The following SMURF1 variants were observed in gnomAD, a reference collection of about 807,000 sequenced individuals.
The protein encoded by SMURF1 is SMAD specific E3 ubiquitin protein ligase 1.
SMURF1 carries 44 observed loss-of-function variants against 98.0 expected under a neutral mutation model. The ratio of observed to expected loss-of-function variants is 0.45; its 90% confidence interval spans 0.35 to 0.58. SMURF1 has a LOEUF of 0.58. Among genes scored for constraint, SMURF1 ranks in the 20% least tolerant of loss-of-function variants. The probability of loss-of-function intolerance (pLI) is 0.00; values close to 1 mark genes in which losing one functional copy is unlikely to be tolerated. For missense variants in SMURF1, 687 were observed against 938.4 expected, an observed-to-expected ratio of 0.73 and a Z score of 3.50; for synonymous variants, 396 against 374.9, an observed-to-expected ratio of 1.06 and a Z score of -0.65.
At chr7:99,055,000 T>C (rs1795846618) in intron 5 of SMURF1, 135 bp from the exon 6 acceptor site, 10 of 715,402 alleles carry the variant, frequency 1.4e-5, no homozygotes, top group South Asian at 1.3e-4. Flanking sequence ...TACACACATA[T>C]ATTCCTATGC....
intron 1 of SMURF1, among the ~76,000 whole-genome samples, chr7:99,068,397 C>G (rs1796246116): frequency 6.6e-6 from 1 of 152,134 alleles, no homozygotes; most frequent in Non-Finnish European, 1.5e-5. Context: ...CTCAAGTGAT[C>G]CTCCCACCTC....
intron 13 of SMURF1, among the ~76,000 whole-genome samples, chr7:99,039,193 CAAAAAA>C (rs34106810): frequency 1.7e-5 from 1 of 60,474 alleles, no homozygotes; most frequent in Non-Finnish European, 3.4e-5. Flanking sequence ...GACTCTGTCT[CAAAAAA>C]AAAAAAAAAA....
At chr7:99,038,754 G>T (rs183138595) in intron 13 of SMURF1, among the ~76,000 whole-genome samples, 3 of 152,104 alleles carry the variant, frequency 2.0e-5, no homozygotes, top group African/African-American at 7.2e-5. Context: ...CATAGAAGGC[G>T]GGCAGCAGGT....
At chr7:99,136,414 A>G (rs934815934) in intron 1 of SMURF1, among the ~76,000 whole-genome samples, 2 of 151,804 alleles carry the variant, frequency 1.3e-5, no homozygotes, top group Non-Finnish European at 2.9e-5. Flanking sequence ...TTGCATGTTG[A>G]TTTTATCCTA....
At chr7:99,139,301 C>G (rs1411159873) in intron 1 of SMURF1, among the ~76,000 whole-genome samples, 1 of 152,176 alleles carries the variant, frequency 6.6e-6, no homozygotes, top group African/African-American at 2.4e-5. Context: ...CATATTTCCA[C>G]ATGCTATCAA....
intron 6 of SMURF1, among the ~76,000 whole-genome samples, chr7:99,053,010 T>C (rs1478620692): frequency 6.6e-6 from 1 of 152,202 alleles, no homozygotes; most frequent in Non-Finnish European, 1.5e-5. Context: ...TGAGCCAAGA[T>C]TGTGCCATTG....
At chr7:99,062,960 A>G (rs1000108178) in intron 1 of SMURF1, among the ~76,000 whole-genome samples, 6 of 151,906 alleles carry the variant, frequency 3.9e-5, no homozygotes, top group African/African-American at 1.5e-4. Flanking sequence ...AGAGTTTGTC[A>G]CCAGACCTGC....
intron 8 of SMURF1, chr7:99,050,793 A>G: frequency 1.4e-6 from 1 of 729,810 alleles, no homozygotes; most frequent in Non-Finnish European, 2.2e-6. Context: ...ATCATGAATA[A>G]AAAGGAACTA....
rs118149338 is a variant in SMURF1, at chr7:99,042,567, G to A, written c.1257-335C>T. Reference sequence around the variant, plus strand: ...CAGGATTACAGGCGTGAGCCACCACGCTCAGCCTAAGTTGTTATTTTCTGA... The same window carrying A: ...CAGGATTACAGGCGTGAGCCACCACACTCAGCCTAAGTTGTTATTTTCTGA... On this transcript the variant is annotated intron_variant, in intron 11 of 17. Transcript: ENST00000361368. Among the ~76,000 whole-genome samples, 61 of 152,254 alleles carry A rather than the reference G, an allele frequency of 4.0e-4. No homozygotes were observed. The East Asian group carries it at 0.011, about 27-fold the overall frequency.
chr7:99,059,090 A>T (rs1795954913), intron 3 of SMURF1, among the ~76,000 whole-genome samples: 1 of 151,336 alleles, frequency 6.6e-6, no homozygotes, highest in African/African-American at 2.4e-5. Flanking sequence ...TTTGAAAAAA[A>T]AATTTAATTT....
At chr7:99,126,564 A>G (rs1238430131) in intron 1 of SMURF1, among the ~76,000 whole-genome samples, 1 of 152,194 alleles carries the variant, frequency 6.6e-6, no homozygotes, top group Non-Finnish European at 1.5e-5. Flanking sequence ...TTGAGGCAGG[A>G]GAATTGCTTG....
chr7:99,063,304 T>TAA (rs59295218), intron 1 of SMURF1, among the ~76,000 whole-genome samples: 2 of 28,408 alleles, frequency 7.0e-5, no homozygotes, highest in Non-Finnish European at 9.4e-5. Flanking sequence ...TATATATATA[T>TAA]AAAAAGAGAC....
At chr7:99,060,372 C>T (rs1488001487) in intron 3 of SMURF1, among the ~76,000 whole-genome samples, 1 of 127,304 alleles carries the variant, frequency 7.9e-6, no homozygotes, top group Non-Finnish European at 1.7e-5. Context: ...GAGTGAGACT[C>T]CGTCTCAAAA....
chr7:99,040,294 C>G (rs1027138505), intron 13 of SMURF1, 84 bp downstream of exon 13: 3 of 829,424 alleles, frequency 3.6e-6, no homozygotes, highest in Non-Finnish European at 4.5e-6. Context: ...TACACACACA[C>G]GCGCGCGCGC....
chr7:99,030,585 C>T lies in SMURF1; in HGVS notation c.2195G>A (p.Ter732=), dbSNP rs1347652457. 1.2e-6 allele frequency: 2 copies of T among 1,614,026 alleles called. No homozygotes were observed. Among genetic ancestry groups the T allele is most frequent in the East Asian group, 2.2e-5 (1 of 44,880 alleles). ...VEETCGFAVE[*] ...GACTCTGTTGCCTTTGGTTGCTTTT[C>T]ACTCCACAGCAAACCCGCAGGTCTC... is the stretch of plus-strand genomic sequence containing the variant. Residue 732 remains the stop codon, a stop_retained_variant, in exon 18 of 18, where the codon TGA becomes TAA. Coordinates refer to ENST00000361368, the MANE Select transcript of SMURF1 (RefSeq NM_181349.3).
chr7:99,054,832 C>G lies in SMURF1; in HGVS notation c.437G>C (p.Gly146Ala). The G allele has an allele frequency of 6.2e-7, 1 of 1,614,122 alleles. No homozygotes were observed. The highest frequency in any genetic ancestry group is 8.5e-7 in the Non-Finnish European group (1 of 1,180,008). ...TCCTCTGCAGTCCACCACCGAGCCG[C>G]CGGTTCCTATTCTGTCTCGTGTCTG... ...SLQTRDRIGT[G>A]GSVVDCRGLL... Residue 146 changes from glycine to alanine, a missense_variant, in exon 6 of 18, where the codon GGC becomes GCC. Gly to Ala is a moderately conservative substitution (Grantham distance 60). This residue lies in a region of SMURF1 where 415 missense variants were observed against 508.4 expected (regional missense o/e 0.82). Transcript: ENST00000361368.
chr7:99,111,424 A>G (rs1470475268), intron 1 of SMURF1, among the ~76,000 whole-genome samples: 2 of 152,216 alleles, frequency 1.3e-5, no homozygotes, highest in African/African-American at 2.4e-5. Flanking sequence ...ATGAAGAGCT[A>G]TTTAGCAAAT....
At chr7:99,052,145 AAAG>A in intron 7 of SMURF1, 57 bp downstream of exon 7, 1 of 1,470,200 alleles carries the variant, frequency 6.8e-7, no homozygotes, top group Non-Finnish European at 9.0e-7. Context: ...AAAAAAAAAA[AAAG>A]TCAACTCATG....
Position 99,060,689 on chromosome 7 carries a change from G to C in SMURF1, c.113C>G (p.Ala38Gly). 1 of 1,613,648 alleles carries C rather than the reference G, an allele frequency of 6.2e-7. No individual in the cohort carries two copies. The highest frequency in any genetic ancestry group is 2.2e-5 in the East Asian group (1 of 44,876). The change falls in exon 3 of 18, where the codon GCA (alanine) becomes GGA (glycine). Residue 38 changes from alanine to glycine, a missense_variant. Ala to Gly is a moderately conservative substitution (Grantham distance 60). Transcript: ENST00000361368. ...KDFFRLPDPF[A>G]KIVVDGSGQC... ...CCCAGACCCATCCACGACAATCTTT[G>C]CAAAAGGGTCAGGGAGCCCTAGAGG... is the stretch of plus-strand genomic sequence containing the variant.
Sources: allele counts gnomAD v4.1 joint callset (sites outside exome capture counted in the v4.1 genomes callset), GRCh38; gene constraint gnomAD v4.1.1; regional missense constraint gnomAD v4.1.1; transcripts MANE v1.5; gene names NCBI Gene and HGNC (gene_info 2026-07-23, HGNC 2026-07-21).